Variants in MCMBP observed in about 807,000 individuals in gnomAD.
The protein encoded by MCMBP is mini-chromosome maintenance complex-binding protein.
A neutral mutation model predicts 81.3 loss-of-function variants in MCMBP; 31 were observed. The ratio of observed to expected loss-of-function variants is 0.38; its 90% CI spans 0.29 to 0.51. MCMBP has a LOEUF of 0.51. MCMBP is among the 20% of genes least tolerant of loss of function. The pLI is 0.87. For synonymous variants in MCMBP, 267 were observed against 275.9 expected, an observed-to-expected ratio of 0.97 and a Z score of 0.32; for missense variants, 645 against 772.1, an observed-to-expected ratio of 0.84 and a Z score of 1.95.
In MCMBP at chr10:119,836,757, G is replaced by GTT. The variant is rs199759464; in HGVS notation, c.1542+137_1542+138dup. The GTT allele has an allele frequency of 1.8e-3, 525 of 296,924 alleles. 49 individuals carry two copies. The highest frequency in any genetic ancestry group is 3.1e-3 in the African/African-American group (97 of 30,944). The allele number at this position is 296,924 out of a possible 1,614,324, so 18.4% of individuals were successfully genotyped here. A position where few individuals can be genotyped will look rare whatever the true frequency, so the allele number is the denominator to read the frequency against. On this transcript the variant is annotated intron_variant, in intron 13 of 15. Transcript: ENST00000369077. ...ATTCCCTTAATGATCAGCAGTCACAGTTTTTTTTTTTTTTTTTTTTTTTTT... is the reference window on the plus strand; with the variant it reads ...ATTCCCTTAATGATCAGCAGTCACAGTTTTTTTTTTTTTTTTTTTTTTTTTTT...
At chr10:119,852,925 C>T in intron 6 of MCMBP, 125 bp downstream of exon 6, 1 of 1,182,892 alleles carries the variant, frequency 8.5e-7, no homozygotes, top group Admixed American at 2.2e-5. Flanking sequence ...AAACTCTCAA[C>T]ATGTCTGTAA....
In MCMBP at chr10:119,857,483, A is replaced by C. The variant is rs199997252; in HGVS notation, c.328-44T>G. 33 of 1,358,860 alleles carry C rather than the reference A, an allele frequency of 2.4e-5. No individual in the cohort carries two copies. In the African/African-American group the frequency reaches 4.4e-4, roughly 18 times the overall value. 84.2% of individuals were successfully genotyped at this position (1,358,860 alleles called of 1,614,324 possible). On this transcript the variant is annotated intron_variant, in intron 4 of 15. Coordinates refer to ENST00000369077, the MANE Select transcript of MCMBP (RefSeq NM_001256378.2). The stretch of plus-strand genomic sequence containing the variant: ...GTGTTTTTAAAAATTTACTTTAAAA[A>C]ACCCAAAATTTATTTTAAAATTAGC...
At chr10:119,853,553 G>C (rs543376047) in intron 5 of MCMBP, among the ~76,000 whole-genome samples, 1 of 152,350 alleles carries the variant, frequency 6.6e-6, no homozygotes, top group East Asian at 1.9e-4. Flanking sequence ...ACAAAGAGCA[G>C]TAGAGGCCCT....
chr10:119,851,179 T>C (rs1280947797), intron 6 of MCMBP, among the ~76,000 whole-genome samples: 1 of 152,154 alleles, frequency 6.6e-6, no homozygotes, highest in Non-Finnish European at 1.5e-5. Flanking sequence ...CTCTGTATTA[T>C]TTCTTACAAC....
At chr10:119,852,908 A>T in intron 6 of MCMBP, 142 bp downstream of exon 6, 2 of 963,526 alleles carry the variant, frequency 2.1e-6, no homozygotes, top group Non-Finnish European at 3.2e-6. Context: ...TCATCAGAGT[A>T]CTGTAAAAAC....
At chr10:119,869,429 G>A (rs1438001090) in intron 1 of MCMBP, among the ~76,000 whole-genome samples, 1 of 152,156 alleles carries the variant, frequency 6.6e-6, no homozygotes, top group Non-Finnish European at 1.5e-5. Flanking sequence ...AAAATTAGCT[G>A]GGCATGGTGG....
intron 8 of MCMBP, among the ~76,000 whole-genome samples, chr10:119,845,629 AAAAT>A (rs1415286126): frequency 4.6e-5 from 7 of 152,344 alleles, no homozygotes; most frequent in Admixed American, 2.6e-4. Flanking sequence ...CTTTCTAAGT[AAAAT>A]AAATAATGAA....
At chr10:119,867,278 G>A (rs573099813) in intron 1 of MCMBP, among the ~76,000 whole-genome samples, 1 of 108,040 alleles carries the variant, frequency 9.3e-6, no homozygotes, top group Non-Finnish European at 1.7e-5. Flanking sequence ...GGGCGACAGA[G>A]CGAGACTCCA....
chr10:119,871,232 T>G (rs1853659354), intron 1 of MCMBP, among the ~76,000 whole-genome samples: 1 of 152,212 alleles, frequency 6.6e-6, no homozygotes, highest in East Asian at 1.9e-4. Context: ...TTGGGGCCAT[T>G]GTGTTGACCA....
chr10:119,839,260 T>G (rs1372181460), intron 11 of MCMBP, among the ~76,000 whole-genome samples: 1 of 152,082 alleles, frequency 6.6e-6, no homozygotes, highest in Non-Finnish European at 1.5e-5. Flanking sequence ...GTTTAACGAG[T>G]AAGCGAACCA....
At position 119,834,816 on chromosome 10, in the gene MCMBP, C is replaced by T. The variant is rs180980665; in HGVS notation, c.1707+724G>A. On this transcript the variant is annotated intron_variant, in intron 14 of 15. Coordinates refer to ENST00000369077, the MANE Select transcript of MCMBP (RefSeq NM_001256378.2). ...GGTTGAGGCTGCAGTGAGCCATGAT[C>T]ACAACACTGCACTCTAGCCTGGATG... 2.7e-3 allele frequency among the ~76,000 whole-genome samples: 336 copies of T among 122,870 alleles called. 1 individual carries two copies. The highest frequency in any genetic ancestry group is 9.5e-3 in the African/African-American group (307 of 32,422). 80.6% of individuals were successfully genotyped at this position (122,870 alleles called of 152,430 possible). A position where few individuals can be genotyped will look rare whatever the true frequency, so the allele number is the denominator to read the frequency against.
intron 12 of MCMBP, among the ~76,000 whole-genome samples, chr10:119,837,617 C>T (rs573565729): frequency 4.6e-5 from 7 of 152,136 alleles, no homozygotes; most frequent in South Asian, 2.1e-4. Context: ...AACTTTACAA[C>T]GGGAGGTTAA....
At chr10:119,837,156 GT>G in intron 12 of MCMBP, 127 bp from the exon 13 acceptor site, 1 of 933,816 alleles carries the variant, frequency 1.1e-6, no homozygotes, top group Non-Finnish European at 1.6e-6. Context: ...GCGCTGTCCA[GT>G]TTACTAAGCT....
At position 119,831,995 on chromosome 10, in the gene MCMBP, G is replaced by A. The variant is rs1323467014; in HGVS notation, c.1796+17C>T. On this transcript the variant is annotated intron_variant, in intron 15 of 15. Coordinates refer to ENST00000369077, the MANE Select transcript of MCMBP (RefSeq NM_001256378.2). ...ACAAGCTTACCGAAACAGCAATAAT[G>A]GACGTGCGCCACTTACCGAGCCACC... 1 of 1,600,038 alleles carries A rather than the reference G, an allele frequency of 6.2e-7. No homozygotes were observed.
At chr10:119,858,300 A>G (rs1853123488) in intron 4 of MCMBP, 1 of 152,318 alleles carries the variant, frequency 6.6e-6, no homozygotes, top group Non-Finnish European at 1.5e-5. Context: ...TAAAAGACTC[A>G]TTCTAGGAGA....
intron 1 of MCMBP, among the ~76,000 whole-genome samples, chr10:119,871,564 G>A (rs929086337): frequency 6.6e-6 from 1 of 152,124 alleles, no homozygotes; most frequent in South Asian, 2.1e-4. Context: ...ACCATACATT[G>A]TTTGCCGTCG....
chr10:119,855,047 G>A (rs1284539979), intron 5 of MCMBP, among the ~76,000 whole-genome samples: 1 of 151,710 alleles, frequency 6.6e-6, no homozygotes, highest in Non-Finnish European at 1.5e-5. Flanking sequence ...AATTCTTCTT[G>A]CTTCTTAATT....
chr10:119,848,258 C>T (rs1172274441), intron 7 of MCMBP, among the ~76,000 whole-genome samples: 1 of 151,720 alleles, frequency 6.6e-6, no homozygotes, highest in Non-Finnish European at 1.5e-5. Flanking sequence ...AGAAGCAAGG[C>T]AGGGGAAAAA....
At chr10:119,872,881 C>G (rs1349171755), upstream of MCMBP, 1 of 153,868 alleles carries the variant, frequency 6.5e-6, no homozygotes, top group Admixed American at 6.5e-5. Context: ...CTGCCTGCGA[C>G]CTGGGTGGAG....
Sources: gnomAD v4.1 joint callset for allele counts (sites outside exome capture counted in the v4.1 genomes callset) on GRCh38, gnomAD v4.1.1 for gene constraint, MANE v1.5 for transcripts, NCBI Gene and HGNC (gene_info 2026-07-23, HGNC 2026-07-21) for gene names.